Variants in EPHA3 observed in about 807,000 individuals in gnomAD.
The protein encoded by EPHA3 is EPH receptor A3.
Under a neutral mutation model 107.1 loss-of-function variants are expected in EPHA3, and 42 were observed. The ratio of observed to expected loss-of-function variants is 0.39; its 90% confidence interval spans 0.31 to 0.51. EPHA3 has a LOEUF of 0.51. EPHA3 is among the 20% of genes least tolerant of loss of function. EPHA3 has a pLI of 0.78. For synonymous variants in EPHA3, 461 were observed against 424.8 expected (o/e 1.09, Z -1.05); for missense variants, 1,183 against 1,211.2 (o/e 0.98, Z 0.35).
chr3:89,390,750 A>T (rs1708710533), intron 5 of EPHA3, among the ~76,000 whole-genome samples: 1 of 151,502 alleles, frequency 6.6e-6, no homozygotes, highest in Non-Finnish European at 1.5e-5. Flanking sequence ...TGGTTTCCAG[A>T]AAGTTATGTC....
At chr3:89,166,556 A>G (rs1194302125) in intron 2 of EPHA3, among the ~76,000 whole-genome samples, 1 of 152,200 alleles carries the variant, frequency 6.6e-6, no homozygotes, top group Non-Finnish European at 1.5e-5. Flanking sequence ...CACCAACCAT[A>G]AAAACAGTTC....
intron 3 of EPHA3, among the ~76,000 whole-genome samples, chr3:89,303,460 A>G (rs1706538443): frequency 6.7e-6 from 1 of 149,756 alleles, no homozygotes; most frequent in Non-Finnish European, 1.5e-5. Context: ...AAAAAAAAGA[A>G]GAGGAAGAAA....
chr3:89,263,510 C>T (rs948084451), intron 3 of EPHA3, among the ~76,000 whole-genome samples: 2 of 152,148 alleles, frequency 1.3e-5, no homozygotes, highest in Middle Eastern at 6.3e-3. Context: ...GAAAGTGGCT[C>T]TCAGCAGTAA....
chr3:89,233,531 G>A (rs1331617041), intron 3 of EPHA3, among the ~76,000 whole-genome samples: 4 of 152,152 alleles, frequency 2.6e-5, no homozygotes, highest in African/African-American at 9.7e-5. Flanking sequence ...CCCCTGCTGA[G>A]CCAGACCCTA....
intron 5 of EPHA3, among the ~76,000 whole-genome samples, chr3:89,350,263 G>A (rs1252347008): frequency 6.7e-6 from 1 of 149,890 alleles, no homozygotes; most frequent in Non-Finnish European, 1.5e-5. Flanking sequence ...CCAATCAGAC[G>A]TAGATTTGGT....
At chr3:89,476,752 C>T (rs985178329) in intron 16 of EPHA3, among the ~76,000 whole-genome samples, 7 of 151,450 alleles carry the variant, frequency 4.6e-5, no homozygotes, top group Admixed American at 3.3e-4. Context: ...GGAGTACAGG[C>T]GCCCGCCACC....
intron 2 of EPHA3, among the ~76,000 whole-genome samples, chr3:89,166,914 G>C (rs1361013177): frequency 6.6e-6 from 1 of 152,112 alleles, no homozygotes; most frequent in Non-Finnish European, 1.5e-5. Flanking sequence ...TATTTAAGAA[G>C]GGGTTGAGTG....
At chr3:89,268,405 G>A (rs934858575) in intron 3 of EPHA3, among the ~76,000 whole-genome samples, 1 of 152,134 alleles carries the variant, frequency 6.6e-6, no homozygotes, top group African/African-American at 2.4e-5. Flanking sequence ...CAATAAGAAA[G>A]GTTCGCTCAT....
At chr3:89,474,807 T>C (rs969293217) in intron 16 of EPHA3, among the ~76,000 whole-genome samples, 5 of 152,352 alleles carry the variant, frequency 3.3e-5, no homozygotes, top group Admixed American at 2.0e-4. Context: ...ATGTCAGCAA[T>C]ACCATGTTGG....
intron 11 of EPHA3, among the ~76,000 whole-genome samples, chr3:89,425,967 T>C (rs893623399): frequency 6.6e-6 from 1 of 151,668 alleles, no homozygotes; most frequent in African/African-American, 2.4e-5. Flanking sequence ...TTGTGAAAGA[T>C]CATCATTTTA....
intron 2 of EPHA3, among the ~76,000 whole-genome samples, chr3:89,139,126 A>G (rs139271888): frequency 2.6e-5 from 4 of 152,032 alleles, no homozygotes; most frequent in African/African-American, 7.2e-5. Context: ...TCCCTTCTCA[A>G]TGTAAAGTGA....
At chr3:89,396,644 G>A (rs558212892) in intron 6 of EPHA3, among the ~76,000 whole-genome samples, 1 of 152,038 alleles carries the variant, frequency 6.6e-6, no homozygotes, top group African/African-American at 2.4e-5. Flanking sequence ...TTTTCTGGTT[G>A]TAAATGATAG....
intron 4 of EPHA3, among the ~76,000 whole-genome samples, 168 bp from the exon 5 acceptor site, chr3:89,341,587 T>C (rs1333414258): frequency 3.9e-5 from 6 of 152,212 alleles, no homozygotes; most frequent in Non-Finnish European, 5.9e-5. Flanking sequence ...GACAGTGTTC[T>C]TGAATCCATG....
At chr3:89,349,125 A>C (rs1489015566) in intron 5 of EPHA3, among the ~76,000 whole-genome samples, 1 of 31,404 alleles carries the variant, frequency 3.2e-5, no homozygotes, top group African/African-American at 1.5e-4. Flanking sequence ...GTAGATGTCT[A>C]TTAGGTCTGC....
intron 2 of EPHA3, among the ~76,000 whole-genome samples, chr3:89,195,742 C>T (rs1475884272): frequency 6.6e-6 from 1 of 152,040 alleles, no homozygotes; most frequent in African/African-American, 2.4e-5. Flanking sequence ...ATTACCTGTC[C>T]CTTAGATAAC....
chr3:89,428,476 T>C (rs1284334170), intron 11 of EPHA3, among the ~76,000 whole-genome samples: 1 of 152,126 alleles, frequency 6.6e-6, no homozygotes, highest in African/African-American at 2.4e-5. Context: ...TTACTGCCAA[T>C]AGCAATTTTA....
chr3:89,258,557 A>G (rs566291214), intron 3 of EPHA3, among the ~76,000 whole-genome samples: 1 of 152,348 alleles, frequency 6.6e-6, no homozygotes, highest in South Asian at 2.1e-4. Context: ...TTGAAATAAT[A>G]TATATGGAAA....
At chr3:89,278,554 C>T (rs1478559289) in intron 3 of EPHA3, among the ~76,000 whole-genome samples, 1 of 152,128 alleles carries the variant, frequency 6.6e-6, no homozygotes, top group Non-Finnish European at 1.5e-5. Flanking sequence ...AGGCCATGGG[C>T]TTCCTTTACC....
chr3:89,241,338 G>A (rs962820425), intron 3 of EPHA3, among the ~76,000 whole-genome samples: 4 of 152,030 alleles, frequency 2.6e-5, no homozygotes, highest in African/African-American at 9.7e-5. Context: ...CTAAATATTA[G>A]GTATTTGAAA....
Sources: allele counts gnomAD v4.1 joint callset (sites outside exome capture counted in the v4.1 genomes callset), GRCh38; gene constraint gnomAD v4.1.1; transcripts MANE v1.5; gene names NCBI Gene and HGNC (gene_info 2026-07-23, HGNC 2026-07-21).